Variants in NIBAN1 observed in about 807,000 individuals in gnomAD.
The protein encoded by NIBAN1 is protein Niban 1.
A neutral mutation model predicts 75.1 loss-of-function variants in NIBAN1; 81 were observed. That is an observed-to-expected ratio of 1.08 (90% CI 0.90 to 1.30). NIBAN1 has a LOEUF of 1.30. Among genes scored for constraint, NIBAN1 ranks in the 50% most tolerant of loss-of-function variants. The pLI, the probability that NIBAN1 is intolerant of heterozygous loss-of-function variation, is 0.00. For missense variants in NIBAN1, 1,133 were observed against 1,128.1 expected (o/e 1.00, Z -0.06); for synonymous variants, 436 against 424.8 (o/e 1.03, Z -0.32).
chr1:184,856,018 G>A (rs1006735675), intron 5 of NIBAN1, among the ~76,000 whole-genome samples: 8 of 152,304 alleles, frequency 5.3e-5, no homozygotes, highest in African/African-American at 1.4e-4. Flanking sequence ...AATGGGTTAC[G>A]TAGTAATACT....
chr1:184,932,261 T>C (rs987415452), intron 1 of NIBAN1, among the ~76,000 whole-genome samples: 66 of 152,344 alleles, frequency 4.3e-4, no homozygotes, highest in African/African-American at 1.5e-3. Context: ...TATTACATTG[T>C]AATATATAAT....
In NIBAN1 at chr1:184,818,687, T is replaced by G. The variant is rs1003699777; in HGVS notation, c.1124A>C (p.Glu375Ala). ...VRVLFEKEVN[E>A]VSQNFQTTKD... is the part of the protein sequence containing the mutation. ...GGTGGTCTGGAAGTTCTGGCTGACTTCATTCACCTCTTTCTCAAAGAGTAC... is the reference window on the plus strand; with the variant it reads ...GGTGGTCTGGAAGTTCTGGCTGACTGCATTCACCTCTTTCTCAAAGAGTAC... The change falls in exon 9 of 14, where the codon GAA (glutamate) becomes GCA (alanine). Residue 375 changes from glutamate (E) to alanine (A), a missense_variant. Physicochemically the swap from Glu to Ala is moderately radical, Grantham distance 107. Coordinates refer to ENST00000367511, the MANE Select transcript of NIBAN1 (RefSeq NM_052966.4). 2.5e-6 allele frequency: 4 copies of G among 1,612,158 alleles called. No homozygotes were observed. Among genetic ancestry groups the G allele is most frequent in the Non-Finnish European group, 3.4e-6 (4 of 1,178,636 alleles).
chr1:184,799,653 C>T (rs1204989515), intron 12 of NIBAN1, among the ~76,000 whole-genome samples: 1 of 128,840 alleles, frequency 7.8e-6, no homozygotes, highest in Non-Finnish European at 1.6e-5. Flanking sequence ...GTTTACAGTC[C>T]CACCAACAAA....
intron 9 of NIBAN1, among the ~76,000 whole-genome samples, chr1:184,809,245 T>C (rs1354942699): frequency 6.6e-6 from 1 of 152,202 alleles, no homozygotes; most frequent in Non-Finnish European, 1.5e-5. Flanking sequence ...AAGTGAGTTA[T>C]GGAGAGGTCC....
intron 1 of NIBAN1, among the ~76,000 whole-genome samples, chr1:184,971,567 G>A (rs1658937268): frequency 6.6e-6 from 1 of 152,080 alleles, no homozygotes; most frequent in African/African-American, 2.4e-5. Context: ...CTATTCGGGA[G>A]GCTGAGGCAG....
intron 1 of NIBAN1, among the ~76,000 whole-genome samples, chr1:184,921,423 C>A (rs941408954): frequency 6.6e-6 from 1 of 152,038 alleles, no homozygotes; most frequent in Non-Finnish European, 1.5e-5. Flanking sequence ...GAAACAGAAC[C>A]AGCTGAGCAG....
rs560970121 is a variant in NIBAN1 at position 184,816,517 on chromosome 1, G to A, written c.1173+2121C>T. Among the ~76,000 whole-genome samples the A allele has an allele frequency of 1.1e-4, 17 of 152,248 alleles. No individual in the cohort carries two copies. In the South Asian group the frequency reaches 2.9e-3, roughly 26 times the overall value. On this transcript the variant is annotated intron_variant, in intron 9 of 13. Transcript: ENST00000367511. ...TTATTTTTAAACAAAATTTTAAATG[G>A]GAGGCCATTATTTGGGACTAAGCTC...
intron 5 of NIBAN1, among the ~76,000 whole-genome samples, chr1:184,871,683 C>T (rs1396554130): frequency 6.6e-6 from 1 of 152,154 alleles, no homozygotes; most frequent in Non-Finnish European, 1.5e-5. Context: ...AACCTAGTGA[C>T]CTTAAGCTAC....
chr1:184,867,765 G>T, intron 5 of NIBAN1: 2 of 652,122 alleles, frequency 3.1e-6, no homozygotes, highest in Non-Finnish European at 3.8e-6. Flanking sequence ...GAGTGGGATA[G>T]CCTTACAAAT....
intron 8 of NIBAN1, among the ~76,000 whole-genome samples, chr1:184,820,434 T>G (rs1571490829): frequency 6.6e-6 from 1 of 152,224 alleles, no homozygotes; most frequent in South Asian, 2.1e-4. Flanking sequence ...TTACCTTGCC[T>G]TCCTTCCTCT....
At chr1:184,918,179 T>C (rs1657443190) in intron 1 of NIBAN1, among the ~76,000 whole-genome samples, 1 of 152,208 alleles carries the variant, frequency 6.6e-6, no homozygotes, top group South Asian at 2.1e-4. Flanking sequence ...ATCATCCTTT[T>C]GGATCTCCTC....
At chr1:184,946,234 T>C (rs909309676) in intron 1 of NIBAN1, among the ~76,000 whole-genome samples, 1 of 152,208 alleles carries the variant, frequency 6.6e-6, no homozygotes, top group Non-Finnish European at 1.5e-5. Context: ...CCTATTACTT[T>C]CGCAATTACT....
chr1:184,908,937 C>T (rs966135406), intron 1 of NIBAN1, among the ~76,000 whole-genome samples: 4 of 152,168 alleles, frequency 2.6e-5, no homozygotes, highest in African/African-American at 9.7e-5. Context: ...ATCACAGGAA[C>T]TATGAATCCA....
intron 1 of NIBAN1, among the ~76,000 whole-genome samples, chr1:184,931,451 A>G (rs1299490064): frequency 6.6e-6 from 1 of 152,236 alleles, no homozygotes; most frequent in Non-Finnish European, 1.5e-5. Flanking sequence ...ATTTACTTAT[A>G]GTGTTAAATT....
At chr1:184,861,772 GAGGAAAGA>G (rs985238441) in intron 5 of NIBAN1, among the ~76,000 whole-genome samples, 1 of 149,694 alleles carries the variant, frequency 6.7e-6, no homozygotes, top group East Asian at 2.0e-4. Flanking sequence ...AGGAGGGAGG[GAGGAAAGA>G]AGGAAAGAAG....
intron 10 of NIBAN1, 21 bp from the exon 11 acceptor site, chr1:184,806,077 A>G: frequency 3.1e-6 from 5 of 1,597,742 alleles, no homozygotes; most frequent in South Asian, 1.1e-5. Flanking sequence ...GAAGCGACAC[A>G]GAAACAGACA....
At chr1:184,906,595 A>G (rs1293997003) in intron 1 of NIBAN1, among the ~76,000 whole-genome samples, 1 of 152,192 alleles carries the variant, frequency 6.6e-6, no homozygotes, top group Non-Finnish European at 1.5e-5. Context: ...GTGCCACTGC[A>G]CTGTAGCCTG....
intron 1 of NIBAN1, among the ~76,000 whole-genome samples, chr1:184,946,739 T>C (rs1213375739): frequency 6.6e-6 from 1 of 152,210 alleles, no homozygotes; most frequent in Non-Finnish European, 1.5e-5. Flanking sequence ...TTCTCCACTC[T>C]TCATATTTTC....
chr1:184,927,745 G>T (rs1657717765), intron 1 of NIBAN1, among the ~76,000 whole-genome samples: 1 of 152,018 alleles, frequency 6.6e-6, no homozygotes, highest in Non-Finnish European at 1.5e-5. Flanking sequence ...TCAGAATGGT[G>T]AGTTCCCCCC....
Sources: allele counts gnomAD v4.1 joint callset (sites outside exome capture counted in the v4.1 genomes callset), GRCh38; gene constraint gnomAD v4.1.1; transcripts MANE v1.5; gene names NCBI Gene and HGNC (gene_info 2026-07-23, HGNC 2026-07-21).